The following ADGRL2 variants were observed in gnomAD, a reference collection of about 807,000 sequenced individuals.
The protein encoded by ADGRL2 is calcium-independent alpha-latrotoxin receptor 2.
ADGRL2 carries 44 observed loss-of-function variants against 157.4 expected under a neutral mutation model. The observed-to-expected ratio is 0.28, with a 90% CI of 0.22 to 0.36. The LOEUF (loss-of-function observed/expected upper bound fraction) is 0.36. Ranked by LOEUF, ADGRL2 falls within the 10% of genes least tolerant of loss-of-function variation. The probability of loss-of-function intolerance (pLI) is 1.00; values close to 1 mark genes in which losing one functional copy is unlikely to be tolerated. For missense variants in ADGRL2, 1,510 were observed against 1,768.9 expected (o/e 0.85, Z 2.63); for synonymous variants, 585 against 624.7 (o/e 0.94, Z 0.95).
At position 81,610,700 on chromosome 1, in the gene ADGRL2, G is replaced by A. The variant is rs532334283; in HGVS notation, c.-143+29720G>A. On this transcript the variant is annotated intron_variant, in intron 3 of 24. Transcript: ENST00000370721. The stretch of plus-strand genomic sequence containing the variant: ...GGAAGCTTTTGTGGTCCATAAAAGA[G>A]ATTATGGTGGTCTAATTTAAAGTGG... Among the ~76,000 whole-genome samples, 830 of 152,278 alleles carry A rather than the reference G, an allele frequency of 5.5e-3. 6 individuals are homozygous for A. The highest frequency in any genetic ancestry group is 0.014 in the Middle Eastern group (4 of 294).
intron 3 of ADGRL2, among the ~76,000 whole-genome samples, chr1:81,670,387 G>A (rs1039862059): frequency 5.3e-5 from 8 of 152,294 alleles, no homozygotes; most frequent in Middle Eastern, 6.8e-3. Context: ...CAATCTGATT[G>A]TAGAACTCCC....
chr1:81,721,729 G>GA, intron 1 of ADGRL2: 1 of 1,416,500 alleles, frequency 7.1e-7, no homozygotes, highest in Non-Finnish European at 9.8e-7. Context: ...AGGCCCTTGT[G>GA]AAAATGTGTA....
intron 2 of ADGRL2, among the ~76,000 whole-genome samples, chr1:81,772,913 AC>A (rs1427567305): frequency 4.6e-5 from 7 of 152,310 alleles, no homozygotes; most frequent in African/African-American, 1.7e-4. Context: ...TAAAAATGAT[AC>A]ATATTATAAA....
At chr1:81,820,205 A>AT (rs2090843270) in intron 1 of ADGRL2, among the ~76,000 whole-genome samples, 1 of 152,146 alleles carries the variant, frequency 6.6e-6, no homozygotes, top group Non-Finnish European at 1.5e-5. Flanking sequence ...CTCTCAATGT[A>AT]TTTTTTGAAT....
At chr1:81,505,535 G>A (rs2078954406) in intron 2 of ADGRL2, among the ~76,000 whole-genome samples, 1 of 150,516 alleles carries the variant, frequency 6.6e-6, no homozygotes. Flanking sequence ...ACAACAGCAG[G>A]GTGTCACCCA....
At chr1:81,493,012 A>G (rs1017411923) in intron 2 of ADGRL2, among the ~76,000 whole-genome samples, 3 of 152,222 alleles carry the variant, frequency 2.0e-5, no homozygotes, top group Non-Finnish European at 2.9e-5. Flanking sequence ...ACATAAAACT[A>G]TAGGTAAGTG....
intron 23 of ADGRL2, among the ~76,000 whole-genome samples, chr1:81,989,347 C>G (rs1011676784): frequency 6.6e-6 from 1 of 152,116 alleles, no homozygotes; most frequent in Admixed American, 6.6e-5. Flanking sequence ...CTGCGTTTGA[C>G]CTCCATGGCC....
intron 2 of ADGRL2, among the ~76,000 whole-genome samples, chr1:81,887,037 A>G (rs2094142526): frequency 1.3e-5 from 2 of 152,230 alleles, no homozygotes; most frequent in African/African-American, 4.8e-5. Context: ...TTAATTAGCT[A>G]AAGATAGACA....
intron 3 of ADGRL2, among the ~76,000 whole-genome samples, chr1:81,668,474 G>A (rs529649715): frequency 2.4e-4 from 37 of 151,200 alleles, no homozygotes; most frequent in Non-Finnish European, 4.6e-4. Flanking sequence ...TGTATGTTAT[G>A]AAAATCAAAT....
At chr1:81,825,264 G>A (rs1400405314) in intron 1 of ADGRL2, among the ~76,000 whole-genome samples, 1 of 152,186 alleles carries the variant, frequency 6.6e-6, no homozygotes, top group African/African-American at 2.4e-5. Context: ...TCAGGAGGCT[G>A]ATGTGGGAGG....
chr1:81,594,881 A>T (rs2081201819), intron 3 of ADGRL2, among the ~76,000 whole-genome samples: 1 of 152,236 alleles, frequency 6.6e-6, no homozygotes, highest in Non-Finnish European at 1.5e-5. Context: ...ATTTTATAAG[A>T]ATATAATAGA....
upstream of ADGRL2, among the ~76,000 whole-genome samples, chr1:81,796,715 T>A (rs536777580): frequency 4.6e-5 from 7 of 152,328 alleles, no homozygotes; most frequent in East Asian, 1.2e-3. Context: ...ATGCTTTTTT[T>A]AAAAAGTATT....
At chr1:81,670,447 C>A (rs1022821529) in intron 3 of ADGRL2, among the ~76,000 whole-genome samples, 1 of 152,182 alleles carries the variant, frequency 6.6e-6, no homozygotes, top group Non-Finnish European at 1.5e-5. Flanking sequence ...GTACACTGCC[C>A]TCTGTGTCAT....
intron 2 of ADGRL2, among the ~76,000 whole-genome samples, chr1:81,903,732 TTATATATACACATTATATATATAC>T (rs1291507671): frequency 0.013 from 1,882 of 143,472 alleles, 25 homozygotes; most frequent in Admixed American, 0.028. Flanking sequence ...TATATATACA[TTATATATACACATTATATATATAC>T]ACATTATATA....
intron 2 of ADGRL2, among the ~76,000 whole-genome samples, chr1:81,766,847 G>GA (rs66946051): frequency 1.1e-3 from 134 of 117,708 alleles, no homozygotes; most frequent in Middle Eastern, 4.4e-3. Flanking sequence ...AAAAAAAAAG[G>GA]AAAAAAAAAA....
chr1:81,857,561 A>G (rs1023867032), intron 2 of ADGRL2, among the ~76,000 whole-genome samples: 1 of 152,148 alleles, frequency 6.6e-6, no homozygotes, highest in African/African-American at 2.4e-5. Context: ...CCTCAGTAGA[A>G]AAGCCTTTAT....
intron 2 of ADGRL2, chr1:81,579,151 G>A (rs1413430351): frequency 1.3e-5 from 2 of 152,094 alleles, no homozygotes; most frequent in Non-Finnish European, 2.9e-5. Context: ...TTCCACCAAG[G>A]GGAAAGTTAC....
intron 1 of ADGRL2, among the ~76,000 whole-genome samples, chr1:81,377,623 T>C (rs1391804982): frequency 1.3e-5 from 2 of 152,140 alleles, no homozygotes; most frequent in African/African-American, 2.4e-5. Context: ...GATACGCACG[T>C]CACCAGCCCA....
intron 10 of ADGRL2, among the ~76,000 whole-genome samples, chr1:81,955,219 C>A (rs186643389): frequency 2.0e-5 from 3 of 151,960 alleles, no homozygotes; most frequent in Non-Finnish European, 4.4e-5. Flanking sequence ...TTTCTTTATC[C>A]CTTTAAAAGC....
Sources: gnomAD v4.1 joint callset for allele counts (sites outside exome capture counted in the v4.1 genomes callset) on GRCh38, gnomAD v4.1.1 for gene constraint, MANE v1.5 for transcripts, NCBI Gene and HGNC (gene_info 2026-07-23, HGNC 2026-07-21) for gene names.